The following GPBP1 variants were observed in gnomAD, a reference collection of about 807,000 sequenced individuals.
The protein encoded by GPBP1 is vasculin.
In GPBP1, 13 loss-of-function variants were observed where a neutral mutation model predicts 56.5. The ratio of observed to expected loss-of-function variants is 0.23; its 90% CI spans 0.15 to 0.37. The LOEUF is 0.37. Among genes scored for constraint, GPBP1 ranks in the 10% least tolerant of loss-of-function variants. The probability of loss-of-function intolerance (pLI) is 1.00; values close to 1 mark genes in which losing one functional copy is unlikely to be tolerated. For missense variants in GPBP1, 477 were observed against 572.3 expected, an observed-to-expected ratio of 0.83 and a Z score of 1.70; for synonymous variants, 204 against 188.9, an observed-to-expected ratio of 1.08 and a Z score of -0.66.
Position 57,190,694 on chromosome 5 carries a change from CTTTTTTTTTTT to C in GPBP1, c.-58+14312_-58+14322del, listed in dbSNP as rs773540051. On this transcript the variant is annotated intron_variant, in intron 2 of 11. Coordinates refer to ENST00000506184, the MANE Select transcript of GPBP1 (RefSeq NM_022913.4). ...AGACTGGCTTTGGATTTGCTGTTAG[CTTTTTTTTTTT>C]TTTTTTTTTTTTTTTTTCCTGAGAC... 7.9e-3 allele frequency among the ~76,000 whole-genome samples: 543 copies of C among 68,894 alleles called. 8 individuals are homozygous for C. Among genetic ancestry groups the C allele is most frequent in the African/African-American group, 0.025 (438 of 17,304 alleles). The allele number at this position is 68,894 out of a possible 152,430, so 45.2% of individuals were successfully genotyped here. A position where few individuals can be genotyped will look rare whatever the true frequency, so the allele number is the denominator to read the frequency against.
At chr5:57,198,624 G>A (rs994604718) in intron 2 of GPBP1, among the ~76,000 whole-genome samples, 7 of 152,046 alleles carry the variant, frequency 4.6e-5, no homozygotes, top group South Asian at 2.1e-4. Context: ...TGAGACTGGC[G>A]GATTGCTTGA....
intron 3 of GPBP1, among the ~76,000 whole-genome samples, chr5:57,215,444 T>G (rs1378449064): frequency 6.6e-6 from 1 of 152,228 alleles, no homozygotes; most frequent in Non-Finnish European, 1.5e-5. Context: ...TAGGCTCCAT[T>G]AATTCCCAGC....
intron 10 of GPBP1, among the ~76,000 whole-genome samples, chr5:57,260,224 T>G (rs1741830537): frequency 6.6e-6 from 1 of 151,958 alleles, no homozygotes; most frequent in Non-Finnish European, 1.5e-5. Flanking sequence ...TCCTCTTCAG[T>G]TAGGGCACTA....
At chr5:57,174,536 TCCC>T (rs926680606) in intron 1 of GPBP1, among the ~76,000 whole-genome samples, 6 of 151,998 alleles carry the variant, frequency 3.9e-5, no homozygotes, top group African/African-American at 1.2e-4. Flanking sequence ...CGGCCTTCCT[TCCC>T]CCGGCCTCTT....
At chr5:57,261,771 T>A (rs947095773) in intron 11 of GPBP1, among the ~76,000 whole-genome samples, 2 of 152,164 alleles carry the variant, frequency 1.3e-5, no homozygotes, top group African/African-American at 4.8e-5. Flanking sequence ...TGCACAAGAG[T>A]ATTTCATATT....
chr5:57,186,851 G>A (rs866313545), intron 2 of GPBP1, among the ~76,000 whole-genome samples: 3 of 152,084 alleles, frequency 2.0e-5, no homozygotes, highest in East Asian at 1.9e-4. Flanking sequence ...GATTACAGGC[G>A]AGAGCCGCTG....
chr5:57,180,209 G>A (rs1753979182), intron 2 of GPBP1, among the ~76,000 whole-genome samples: 1 of 152,194 alleles, frequency 6.6e-6, no homozygotes, highest in South Asian at 2.1e-4. Flanking sequence ...CCGCATCCCG[G>A]GTTCAAGTGA....
chr5:57,179,111 C>G (rs1453080207), intron 2 of GPBP1, among the ~76,000 whole-genome samples: 1 of 152,176 alleles, frequency 6.6e-6, no homozygotes, highest in Non-Finnish European at 1.5e-5. Flanking sequence ...TTCAAGCAGT[C>G]TGACTCCAGA....
chr5:57,239,730 A>G (rs1740730432), intron 6 of GPBP1, among the ~76,000 whole-genome samples: 1 of 152,166 alleles, frequency 6.6e-6, no homozygotes, highest in Admixed American at 6.5e-5. Flanking sequence ...CAGTGAGCCA[A>G]GATCGCGCCA....
Position 57,249,484 on chromosome 5 carries a change from C to T in GPBP1, c.880C>T (p.Arg294Cys), listed in dbSNP as rs766041144. 2.0e-5 allele frequency: 33 copies of T among 1,612,144 alleles called. No homozygotes were observed. Among genetic ancestry groups the T allele is most frequent in the South Asian group, 3.3e-5 (3 of 90,958 alleles). The change falls in exon 9 of 12, where the codon CGC becomes TGC. Residue 294 changes from arginine to cysteine, a missense_variant. By Grantham distance (180) the Arg-to-Cys change is radical. Around this residue, in one of 2 missense-constraint regions of GPBP1, gnomAD observed 414 missense variants for 458.2 expected, o/e 0.90. Coordinates refer to ENST00000506184, the MANE Select transcript of GPBP1 (RefSeq NM_022913.4). ...QPRLTKLTRMRTDKKSEFLKA... is the reference protein window; with the variant it reads ...QPRLTKLTRMCTDKKSEFLKA... ...TCGTCTAACCAAACTGACACGAATG[C>T]GCACTGATAAGAAGAGTGAATTTTT...
chr5:57,221,609 C>T (rs1755961862), intron 3 of GPBP1, among the ~76,000 whole-genome samples: 1 of 151,812 alleles, frequency 6.6e-6, no homozygotes, highest in African/African-American at 2.4e-5. Flanking sequence ...TCTTTTTAAA[C>T]AAAAAATGTG....
chr5:57,221,121 C>G (rs1755941050), intron 3 of GPBP1, among the ~76,000 whole-genome samples: 1 of 152,108 alleles, frequency 6.6e-6, no homozygotes, highest in African/African-American at 2.4e-5. Flanking sequence ...ATGTGTAGAA[C>G]TTTAGCCCCA....
At position 57,201,133 on chromosome 5, in the gene GPBP1, G is replaced by GT. The variant is rs530991303; in HGVS notation, c.-57-12935dup. Among the ~76,000 whole-genome samples the GT allele has an allele frequency of 1.7e-3, 254 of 152,160 alleles. 3 individuals are homozygous for GT. Among genetic ancestry groups the GT allele is most frequent in the Admixed American group, 0.013 (201 of 15,278 alleles). Reference sequence around the variant, plus strand: ...GCCACTGCGCTCGGCCATGAGCCTTGTTTTTTAAAAAGTTAAATTCTGTAT... The same window carrying GT: ...GCCACTGCGCTCGGCCATGAGCCTTGTTTTTTTAAAAAGTTAAATTCTGTAT... On this transcript the variant is annotated intron_variant, in intron 2 of 11. Coordinates refer to ENST00000506184, the MANE Select transcript of GPBP1 (RefSeq NM_022913.4).
chr5:57,209,313 C>T (rs1157101448), intron 2 of GPBP1, among the ~76,000 whole-genome samples: 1 of 152,110 alleles, frequency 6.6e-6, no homozygotes, highest in East Asian at 1.9e-4. Flanking sequence ...AAAAATACGA[C>T]ACTGTCTCAC....
chr5:57,235,623 A>G (rs1011345043), intron 5 of GPBP1, among the ~76,000 whole-genome samples: 6 of 152,188 alleles, frequency 3.9e-5, no homozygotes, highest in African/African-American at 1.4e-4. Flanking sequence ...AGCTGAGAGT[A>G]AGGTTTATGA....
At chr5:57,238,354 G>T (rs1011977460) in intron 6 of GPBP1, among the ~76,000 whole-genome samples, 4 of 152,078 alleles carry the variant, frequency 2.6e-5, no homozygotes, top group African/African-American at 9.7e-5. Flanking sequence ...ATCACCTGAG[G>T]TCGACACCAG....
chr5:57,176,494 T>G (rs542803878), intron 2 of GPBP1, 94 bp downstream of exon 2: 2 of 152,610 alleles, frequency 1.3e-5, no homozygotes, highest in South Asian at 4.1e-4. Context: ...GCCTTTCAGT[T>G]TCTTGCAGTA....
intron 3 of GPBP1, among the ~76,000 whole-genome samples, chr5:57,229,431 T>G (rs1380628549): frequency 1.3e-5 from 2 of 152,130 alleles, no homozygotes; most frequent in Non-Finnish European, 2.9e-5. Flanking sequence ...TTGCTCATGT[T>G]TTCCCCATTA....
In GPBP1 at chr5:57,186,388, T is replaced by TAA. The variant is rs34384211; in HGVS notation, c.-58+10002_-58+10003dup. The stretch of plus-strand genomic sequence containing the variant: ...GTGACAGAGCGGGACCTTGCCTCTT[T>TAA]AAAAAAAAAAAAAAATTTTTTTTTC... On this transcript the variant is annotated intron_variant, in intron 2 of 11. Transcript: ENST00000506184. Among the ~76,000 whole-genome samples the TAA allele has an allele frequency of 3.1e-3, 456 of 145,664 alleles. 5 individuals carry two copies. Among genetic ancestry groups the TAA allele is most frequent in the African/African-American group, 0.01 (404 of 39,636 alleles).
Sources: allele counts gnomAD v4.1 joint callset (sites outside exome capture counted in the v4.1 genomes callset), GRCh38; gene constraint gnomAD v4.1.1; regional missense constraint gnomAD v4.1.1; transcripts MANE v1.5; gene names NCBI Gene and HGNC (gene_info 2026-07-23, HGNC 2026-07-21).